CHD5: variants seen among roughly 807,000 people sequenced by gnomAD.
CHD5 encodes the protein ATP-dependent chromatin remodeler CHD5.
CHD5 carries 69 observed loss-of-function variants against 230.3 expected under a neutral mutation model. The ratio of observed to expected loss-of-function variants is 0.30; its 90% CI spans 0.25 to 0.37. CHD5 has a LOEUF of 0.37. Ranked by LOEUF, CHD5 falls within the 10% of genes least tolerant of loss-of-function variation. The pLI, the probability that CHD5 is intolerant of heterozygous loss-of-function variation, is 1.00. For missense variants in CHD5, 1,827 were observed against 2,622.8 expected (o/e 0.70, Z 6.63); for synonymous variants, 1,064 against 1,065.9 (o/e 1.00, Z 0.03).
Position 6,155,868 on chromosome 1 carries a change from A to C in CHD5, c.388-151T>G, listed in dbSNP as rs183631856. 1.6e-6 allele frequency: 1 copy of C among 630,094 alleles called. No individual in the cohort carries two copies. The highest frequency in any genetic ancestry group is 1.8e-5 in the African/African-American group (1 of 54,548). The allele number at this position is 630,094 out of a possible 1,614,324, so 39.0% of individuals were successfully genotyped here. A position where few individuals can be genotyped will look rare whatever the true frequency, so the allele number is the denominator to read the frequency against. ...CCAGACCATTCTCACCCACCCTAGG[A>C]AACATTCAAGCCCTGCAGCCCCGCA... On this transcript the variant is annotated intron_variant, in intron 3 of 41. Coordinates refer to ENST00000262450, the MANE Select transcript of CHD5 (RefSeq NM_015557.3). This position sits in a 1 kb window ranked among gnomAD's most constrained non-coding sequence, Gnocchi z 4.0.
intron 2 of CHD5, among the ~76,000 whole-genome samples, chr1:6,164,327 T>C (rs535634280): frequency 6.6e-6 from 1 of 152,328 alleles, no homozygotes; most frequent in South Asian, 2.1e-4. Flanking sequence ...GCCTTCCCAT[T>C]CACGAGTGTT....
Position 6,151,108 on chromosome 1 carries a change from G to T in CHD5, c.918C>A (p.Ile306=). The T allele has an allele frequency of 6.2e-7, 1 of 1,610,268 alleles. No individual in the cohort carries two copies. Among genetic ancestry groups the T allele is most frequent in the Non-Finnish European group, 8.5e-7 (1 of 1,178,082 alleles). ...ATTCGGAGCGCACGGAGGCACTGTG[G>T]ATGCTGGCGCTGTCGAAGTCCGACT... ...REESDFDSAS[I]HSASVRSECS... The change falls in exon 7 of 42, where the codon ATC becomes ATA. Residue 306 remains isoleucine (I), a synonymous_variant. Transcript: ENST00000262450.
chr1:6,151,843 G>A (rs1667013221), intron 6 of CHD5, among the ~76,000 whole-genome samples: 1 of 152,186 alleles, frequency 6.6e-6, no homozygotes, highest in South Asian at 2.1e-4. Context: ...TGGGGGTGAG[G>A]AGGGCGAATG....
At position 6,128,834 on chromosome 1, in the gene CHD5, C is replaced by T. The variant is rs1666606535; in HGVS notation, c.3619+4G>A. The T allele has an allele frequency of 3.1e-6, 5 of 1,605,370 alleles. No homozygotes were observed. Among genetic ancestry groups the T allele is most frequent in the Non-Finnish European group, 4.3e-6 (5 of 1,173,494 alleles). ...TGCCACGCTCCCTCGGAACAGAGGC[C>T]CACCCTCCACGTCGTCCTTGAAGAG... On this transcript the variant is annotated splice_donor_region_variant and intron_variant, in intron 23 of 41. Transcript: ENST00000262450. This position sits in a 1 kb window ranked among gnomAD's most constrained non-coding sequence, Gnocchi z 7.8.
chr1:6,152,343 C>T, intron 6 of CHD5, 69 bp downstream of exon 6: 1 of 1,549,594 alleles, frequency 6.5e-7, no homozygotes, highest in Non-Finnish European at 8.7e-7. Flanking sequence ...TCGCCTGGCC[C>T]TTGCGTGCTC....
chr1:6,127,160 G>A (rs1037978538), intron 25 of CHD5: 12 of 190,114 alleles, frequency 6.3e-5, no homozygotes, highest in Non-Finnish European at 1.3e-4. Flanking sequence ...GCTCTTCGGG[G>A]ACAGCTGGGG....
chr1:6,112,866 G>A, intron 34 of CHD5, 43 bp downstream of exon 34: 4 of 1,467,272 alleles, frequency 2.7e-6, no homozygotes, highest in Non-Finnish European at 1.9e-6. Flanking sequence ...GCACCCTCAA[G>A]GGACCATGGG....
At chr1:6,150,106 A>G (rs1481965071) in intron 7 of CHD5, among the ~76,000 whole-genome samples, 1 of 149,998 alleles carries the variant, frequency 6.7e-6, no homozygotes, top group Non-Finnish European at 1.5e-5. Context: ...ATAGATGGAC[A>G]AAAGGATGGA....
At chr1:6,173,680 A>C (rs965981445) in intron 1 of CHD5, among the ~76,000 whole-genome samples, 5 of 152,200 alleles carry the variant, frequency 3.3e-5, no homozygotes, top group African/African-American at 1.2e-4. Flanking sequence ...CAGCAATGGC[A>C]GGCAGAGCCC....
At chr1:6,179,095 C>T (rs1292275248) in intron 1 of CHD5, among the ~76,000 whole-genome samples, 2 of 152,230 alleles carry the variant, frequency 1.3e-5, no homozygotes, top group Non-Finnish European at 2.9e-5. Context: ...AAAGAACTGT[C>T]CCGCAAGGCA....
In CHD5 at chr1:6,129,001, G is replaced by A. The variant is rs1227997817; in HGVS notation, c.3456C>T (p.Ala1152=). ...KVMIYRFVTR[A]SVEERITQVA... ...CCTGCGTGATGCGCTCCTCCACCGA[G>A]GCCCGAGTCACGAAGCGGTAGATCA... The change falls in exon 23 of 42, where the codon GCC becomes GCT. Residue 1152 remains alanine (A), a synonymous_variant. Transcript: ENST00000262450. The surrounding 1 kb of genome is among the most constrained non-coding windows in gnomAD (Gnocchi z 6.8). The A allele has an allele frequency of 4.3e-6, 7 of 1,612,052 alleles. No homozygotes were observed. The South Asian group carries it at 5.5e-5, about 13-fold the overall frequency.
intron 17 of CHD5, among the ~76,000 whole-genome samples, chr1:6,136,248 G>A (rs1245671799): frequency 6.6e-6 from 1 of 152,186 alleles, no homozygotes; most frequent in African/African-American, 2.4e-5. Context: ...AGTCCAGGAG[G>A]AACCCCGGGT....
At chr1:6,159,749 A>C (rs1253528927) in intron 2 of CHD5, among the ~76,000 whole-genome samples, 1 of 152,264 alleles carries the variant, frequency 6.6e-6, no homozygotes, top group Non-Finnish European at 1.5e-5. Flanking sequence ...CGCCACAGGA[A>C]GCAGTAGAAC....
rs1166555488 is a variant in CHD5 at position 6,109,978 on chromosome 1, C to A, written c.5395G>T (p.Ala1799Ser). ...LARRFKLLEQ[A>S]LVIEEQLRRA... ...CGGAGCTGCTCCTCAATGACCAACG[C>A]CTGCTCCAGCAGCTGGGGGCGGGGC... Residue 1799 changes from alanine to serine, a missense_variant, in exon 38 of 42, where the codon GCG (alanine) becomes TCG (serine). Around this residue, in one of 14 missense-constraint regions of CHD5, gnomAD observed 208 missense variants for 302.0 expected, o/e 0.69. Transcript: ENST00000262450. The A allele has an allele frequency of 6.5e-7, 1 of 1,542,334 alleles. No homozygotes were observed. The highest frequency in any genetic ancestry group is 1.3e-5 in the South Asian group (1 of 79,068).
rs1051350878 is a variant in CHD5 at position 6,167,698 on chromosome 1, G to A, written c.207+452C>T. The stretch of plus-strand genomic sequence containing the variant: ...CAGCCTCGCCCATCCAGAACCAGCC[G>A]AGAACCAGGGACAAAGTGACGGGAA... On this transcript the variant is annotated intron_variant, in intron 2 of 41. Coordinates refer to ENST00000262450, the MANE Select transcript of CHD5 (RefSeq NM_015557.3). The surrounding 1 kb of genome is among the most constrained non-coding windows in gnomAD (Gnocchi z 4.5). Among the ~76,000 whole-genome samples, 3 of 152,172 alleles carry A rather than the reference G, an allele frequency of 2.0e-5. No homozygotes were observed. Among genetic ancestry groups the A allele is most frequent in the Non-Finnish European group, 4.4e-5 (3 of 68,034 alleles).
chr1:6,151,264 T>A, intron 6 of CHD5, 109 bp from the exon 7 acceptor site: 1 of 1,290,682 alleles, frequency 7.7e-7, no homozygotes, highest in Non-Finnish European at 1.0e-6. Flanking sequence ...GGAGACACAG[T>A]GCTCTCTGTG....
At chr1:6,151,866 A>C (rs1274992354) in intron 6 of CHD5, among the ~76,000 whole-genome samples, 1 of 152,116 alleles carries the variant, frequency 6.6e-6, no homozygotes, top group Non-Finnish European at 1.5e-5. Context: ...CCTCACACTC[A>C]CAGAGAAAGG....
chr1:6,178,993 C>G (rs910929685), intron 1 of CHD5, among the ~76,000 whole-genome samples: 1 of 152,206 alleles, frequency 6.6e-6, no homozygotes, highest in African/African-American at 2.4e-5. Context: ...GTAAGAGTCT[C>G]CCAGAAAGGA....
chr1:6,113,474 C>A, intron 33 of CHD5: 1 of 237,334 alleles, frequency 4.2e-6, no homozygotes, highest in South Asian at 4.8e-5. Context: ...AAGGAAATCA[C>A]CGGGTGCCAG....
Sources: gnomAD v4.1 joint callset for allele counts (sites outside exome capture counted in the v4.1 genomes callset) on GRCh38, gnomAD v4.1.1 for gene constraint, gnomAD v4.1.1 regional missense constraint, Gnocchi (gnomAD v3.1) non-coding constraint, MANE v1.5 for transcripts, NCBI Gene and HGNC (gene_info 2026-07-23, HGNC 2026-07-21) for gene names.